AASS: variants seen among roughly 807,000 people sequenced by gnomAD.
AASS encodes aminoadipate-semialdehyde synthase, also known as alpha-aminoadipic semialdehyde synthase, mitochondrial.
In AASS, 86 loss-of-function variants were observed where a neutral mutation model predicts 105.4. The ratio of observed to expected loss-of-function variants is 0.82; its 90% CI spans 0.69 to 0.98. AASS has a LOEUF of 0.98. AASS is among the 50% of genes least tolerant of loss of function. The pLI is 0.00. For synonymous variants in AASS, 381 were observed against 394.8 expected (o/e 0.96, Z 0.41); for missense variants, 1,048 against 1,143.2 (o/e 0.92, Z 1.20).
chr7:122,138,416 TAATAA>T (rs1370856587), intron 1 of AASS, among the ~76,000 whole-genome samples: 3 of 152,154 alleles, frequency 2.0e-5, no homozygotes, highest in African/African-American at 7.2e-5. Context: ...CTAGCAACAA[TAATAA>T]AATAGAATAA....
chr7:122,101,601 A>C lies in AASS; in HGVS notation c.1338+20T>G. On this transcript the variant is annotated intron_variant, in intron 12 of 23. Transcript: ENST00000417368. The stretch of plus-strand genomic sequence containing the variant: ...AGTAAAAAAATACATTTATGAAAAA[A>C]TATTCTGCTCATAACTTACATCTCT... The C allele has an allele frequency of 6.2e-7, 1 of 1,601,568 alleles. No individual in the cohort carries two copies. Among genetic ancestry groups the C allele is most frequent in the South Asian group, 1.1e-5 (1 of 90,754 alleles).
rs985020357 is a variant in AASS at position 122,086,325 on chromosome 7, A to C, written c.2017-146T>G. The stretch of plus-strand genomic sequence containing the variant: ...CCACCATAATCATCATCCTATACTT[A>C]AGCTGTTCTACTAATATCATAATTC... On this transcript the variant is annotated intron_variant, in intron 18 of 23. Coordinates refer to ENST00000417368, the MANE Select transcript of AASS (RefSeq NM_005763.4). 1.3e-5 allele frequency: 10 copies of C among 777,750 alleles called. No homozygotes were observed. In the African/African-American group the frequency reaches 1.8e-4, roughly 14 times the overall value. 48.2% of individuals were successfully genotyped at this position (777,750 alleles called of 1,614,324 possible).
chr7:122,105,375 T>C (rs1794621529), intron 11 of AASS, among the ~76,000 whole-genome samples: 1 of 152,096 alleles, frequency 6.6e-6, no homozygotes, highest in Admixed American at 6.6e-5. Context: ...TTAGACAAAA[T>C]GGACCTAATA....
intron 17 of AASS, 122 bp downstream of exon 17, chr7:122,092,721 T>C (rs1474940249): frequency 3.6e-6 from 3 of 824,642 alleles, no homozygotes; most frequent in Non-Finnish European, 6.0e-6. Context: ...CAAAACTCAG[T>C]CTCAAAAAAA....
intron 13 of AASS, among the ~76,000 whole-genome samples, chr7:122,100,819 G>C (rs977392547): frequency 5.3e-5 from 8 of 151,776 alleles, no homozygotes; most frequent in Admixed American, 6.6e-5. Flanking sequence ...CTATTCTCTT[G>C]AGTAGATTTG....
chr7:122,104,915 C>A (rs1361462723), intron 11 of AASS, among the ~76,000 whole-genome samples: 3 of 151,774 alleles, frequency 2.0e-5, no homozygotes, highest in Non-Finnish European at 4.4e-5. Context: ...CACATGTACC[C>A]CCGAACCTAA....
chr7:122,076,373 T>C lies in AASS; in HGVS notation c.*116A>G, dbSNP rs572629903. 2 of 788,484 alleles carry C rather than the reference T, an allele frequency of 2.5e-6. No homozygotes were observed. Among genetic ancestry groups the C allele is most frequent in the South Asian group, 2.8e-5 (2 of 70,520 alleles). 48.8% of individuals were successfully genotyped at this position (788,484 alleles called of 1,614,324 possible). A position where few individuals can be genotyped will look rare whatever the true frequency, so the allele number is the denominator to read the frequency against. On this transcript the variant is annotated 3_prime_UTR_variant, in exon 24 of 24. Transcript: ENST00000417368. ...TTTATAGTTCAAAAAGTACATTGTGTTAACCAAAACATATTATGCTTTATA... is the reference window on the plus strand; with the variant it reads ...TTTATAGTTCAAAAAGTACATTGTGCTAACCAAAACATATTATGCTTTATA...
At position 122,133,581 on chromosome 7, in the gene AASS, C is replaced by T. The variant is rs867630104; in HGVS notation, c.146G>A (p.Gly49Asp). Residue 49 changes from glycine to aspartate, a missense_variant, in exon 2 of 24, where the codon GGC becomes GAC. Gly to Asp is a moderately conservative substitution (Grantham distance 94). Transcript: ENST00000417368. ...GACCTTGTATCCCAGATTGGTGATG[C>T]CTTTGATGTGCTTGGGAGCTAGCGG... ...RAPLAPKHIK[G>D]ITNLGYKVLI... The T allele has an allele frequency of 1.2e-6, 2 of 1,614,176 alleles. No individual in the cohort carries two copies. Among genetic ancestry groups the T allele is most frequent in the Middle Eastern group, 1.6e-4 (1 of 6,062 alleles).
At chr7:122,092,816 T>C (rs1395133175) in intron 17 of AASS, 27 bp downstream of exon 17, 2 of 1,542,934 alleles carry the variant, frequency 1.3e-6, no homozygotes, top group Admixed American at 1.7e-5. Context: ...CATTTTAATG[T>C]TGCCTTTGGG....
intron 12 of AASS, 81 bp downstream of exon 12, chr7:122,101,540 G>A (rs985264169): frequency 4.7e-6 from 7 of 1,478,278 alleles, no homozygotes; most frequent in Middle Eastern, 1.7e-4. Flanking sequence ...CAAAGATGGA[G>A]AGAGAGAGAA....
At chr7:122,110,304 C>A (rs1794870837) in intron 11 of AASS, among the ~76,000 whole-genome samples, 1 of 150,846 alleles carries the variant, frequency 6.6e-6, no homozygotes, top group South Asian at 2.1e-4. Context: ...GAAATCACTA[C>A]AGAATCTATT....
intron 11 of AASS, among the ~76,000 whole-genome samples, chr7:122,110,528 T>C (rs1323838596): frequency 6.6e-6 from 1 of 151,924 alleles, no homozygotes; most frequent in Non-Finnish European, 1.5e-5. Context: ...CCAACCCAAA[T>C]AGTTTTGCTA....
chr7:122,113,059 T>G, intron 11 of AASS, 59 bp downstream of exon 11: 1 of 1,344,142 alleles, frequency 7.4e-7, no homozygotes, highest in South Asian at 1.2e-5. Flanking sequence ...ATTCACAGAA[T>G]TACTCAATTA....
Position 122,130,816 on chromosome 7 carries a change from G to C in AASS, c.211-1279C>G, listed in dbSNP as rs188314153. Among the ~76,000 whole-genome samples the C allele has an allele frequency of 7.2e-5, 11 of 151,984 alleles. No individual in the cohort carries two copies. The East Asian group carries it at 1.9e-3, about 27-fold the overall frequency. ...TCCATTTTCTCATTTGTAGTAGATT[G>C]GTAAATAAACCATGGTAAATCTGTA... On this transcript the variant is annotated intron_variant, in intron 2 of 23. Transcript: ENST00000417368.
At chr7:122,091,165 T>C (rs1037002000) in intron 18 of AASS, among the ~76,000 whole-genome samples, 2 of 152,196 alleles carry the variant, frequency 1.3e-5, no homozygotes, top group Non-Finnish European at 2.9e-5. Context: ...CTCTGAGCCA[T>C]AGCTTTCTTA....
chr7:122,092,636 A>G (rs1793959546), intron 17 of AASS, among the ~76,000 whole-genome samples: 1 of 151,960 alleles, frequency 6.6e-6, no homozygotes, highest in Non-Finnish European at 1.5e-5. Flanking sequence ...AAGCAGGAGT[A>G]TTACTTGAAC....
chr7:122,101,565 G>A, intron 12 of AASS, 56 bp downstream of exon 12: 1 of 1,520,128 alleles, frequency 6.6e-7, no homozygotes, highest in Non-Finnish European at 9.1e-7. Flanking sequence ...AGAGAAGAGA[G>A]CAAAAATGGT....
chr7:122,113,872 T>G, intron 9 of AASS, 152 bp from the exon 10 acceptor site: 1 of 684,630 alleles, frequency 1.5e-6, no homozygotes, highest in Non-Finnish European at 2.4e-6. Context: ...TCTTCAGGAC[T>G]CTGCACTGTT....
intron 2 of AASS, among the ~76,000 whole-genome samples, chr7:122,130,376 C>T (rs570824667): frequency 3.6e-4 from 55 of 151,832 alleles, no homozygotes; most frequent in African/African-American, 1.1e-3. Flanking sequence ...ACGAGTAAAC[C>T]GATTTGGAAA....
Sources: gnomAD v4.1 joint callset for allele counts (sites outside exome capture counted in the v4.1 genomes callset) on GRCh38, gnomAD v4.1.1 for gene constraint, MANE v1.5 for transcripts, NCBI Gene and HGNC (gene_info 2026-07-23, HGNC 2026-07-21) for gene names.